The following UGGT2 variants were observed in gnomAD, a reference collection of about 807,000 sequenced individuals.
UGGT2 encodes the protein UDP-glucose glycoprotein glucosyltransferase 2.
Under a neutral mutation model 192.1 loss-of-function variants are expected in UGGT2, and 180 were observed. That is an observed-to-expected ratio of 0.94 (90% CI 0.83 to 1.06). The LOEUF (loss-of-function observed/expected upper bound fraction) is 1.06, where lower values mean the gene tolerates loss of function less well. Ranked by LOEUF, UGGT2 falls within the 50% of genes least tolerant of loss-of-function variation. The pLI, the probability that UGGT2 is intolerant of heterozygous loss-of-function variation, is 0.00. For missense variants in UGGT2, 1,849 were observed against 1,795.7 expected, an observed-to-expected ratio of 1.03 and a Z score of -0.54; for synonymous variants, 580 against 591.0, an observed-to-expected ratio of 0.98 and a Z score of 0.27.
chr13:95,952,349 T>C (rs1303886438), intron 12 of UGGT2, among the ~76,000 whole-genome samples: 2 of 152,096 alleles, frequency 1.3e-5, no homozygotes, highest in African/African-American at 4.8e-5. Context: ...CTAGTATCTG[T>C]AGGGGGATAG....
intron 4 of UGGT2, among the ~76,000 whole-genome samples, chr13:96,017,591 AC>A (rs1307615679): frequency 6.6e-6 from 1 of 152,210 alleles, no homozygotes; most frequent in East Asian, 1.9e-4. Flanking sequence ...ATCGGTACAT[AC>A]CAGTAATTTT....
At chr13:95,875,159 T>C (rs1053290641) in intron 29 of UGGT2, among the ~76,000 whole-genome samples, 4 of 152,234 alleles carry the variant, frequency 2.6e-5, no homozygotes, top group African/African-American at 9.6e-5. Flanking sequence ...ATATGTGGCA[T>C]ATCTCGTGGT....
intron 38 of UGGT2, among the ~76,000 whole-genome samples, chr13:95,831,193 G>A (rs1236537620): frequency 1.3e-5 from 2 of 152,032 alleles, no homozygotes; most frequent in African/African-American, 4.8e-5. Context: ...GAGTTAGTGG[G>A]TGCAGCACAC....
At chr13:95,899,713 T>A (rs935291975) in intron 22 of UGGT2, among the ~76,000 whole-genome samples, 1 of 152,124 alleles carries the variant, frequency 6.6e-6, no homozygotes, top group Non-Finnish European at 1.5e-5. Flanking sequence ...GCTTTAGAAC[T>A]GTTTTTAAAA....
At chr13:95,845,620 TCCC>T (rs1000229593) in intron 36 of UGGT2, among the ~76,000 whole-genome samples, 3 of 151,792 alleles carry the variant, frequency 2.0e-5, no homozygotes, top group Admixed American at 1.3e-4. Flanking sequence ...TCCCCACATT[TCCC>T]CCTTTTCTAT....
chr13:95,928,494 A>C (rs2049120672), intron 17 of UGGT2, among the ~76,000 whole-genome samples: 1 of 150,960 alleles, frequency 6.6e-6, no homozygotes, highest in Admixed American at 6.6e-5. Flanking sequence ...AGCCGGTCAG[A>C]GACGCTCCTC....
At chr13:95,900,966 C>A in intron 21 of UGGT2, 28 bp from the exon 22 acceptor site, 1 of 1,489,812 alleles carries the variant, frequency 6.7e-7, no homozygotes, top group Non-Finnish European at 8.9e-7. Context: ...ACTGATGAAA[C>A]TAATATGAGA....
intron 11 of UGGT2, 104 bp downstream of exon 11, chr13:95,972,476 T>G: frequency 9.4e-7 from 1 of 1,060,412 alleles, no homozygotes; most frequent in Non-Finnish European, 1.4e-6. Context: ...AAAACATGTA[T>G]TTATCTTTAA....
intron 29 of UGGT2, among the ~76,000 whole-genome samples, chr13:95,873,627 C>T (rs575979086): frequency 6.6e-6 from 1 of 152,276 alleles, no homozygotes; most frequent in Non-Finnish European, 1.5e-5. Flanking sequence ...CCTCTTCATT[C>T]TTGCCTGATG....
At chr13:95,931,691 C>T (rs548658786) in intron 17 of UGGT2, among the ~76,000 whole-genome samples, 125 of 152,216 alleles carry the variant, frequency 8.2e-4, no homozygotes, top group African/African-American at 2.6e-3. Flanking sequence ...CCGGGTGCTA[C>T]GCCCCTCACT....
chr13:96,033,564 C>T (rs1241399783), intron 1 of UGGT2, among the ~76,000 whole-genome samples: 6 of 152,196 alleles, frequency 3.9e-5, no homozygotes, highest in Non-Finnish European at 8.8e-5. Context: ...ACCAACGCAT[C>T]CCTGCACTCT....
At chr13:95,938,966 C>T (rs953178810) in intron 16 of UGGT2, among the ~76,000 whole-genome samples, 1 of 128,702 alleles carries the variant, frequency 7.8e-6, no homozygotes, top group African/African-American at 2.7e-5. Context: ...ATGGAGAATG[C>T]TCTTTAGAAA....
chr13:95,920,131 G>C lies in UGGT2; in HGVS notation c.2295+5549C>G, dbSNP rs563103661. 1.4e-4 allele frequency among the ~76,000 whole-genome samples: 22 copies of C among 152,276 alleles called. No individual in the cohort carries two copies. In the East Asian group the frequency reaches 4.2e-3, roughly 29 times the overall value. On this transcript the variant is annotated intron_variant, in intron 20 of 38. Coordinates refer to ENST00000376747, the MANE Select transcript of UGGT2 (RefSeq NM_020121.4). ...GTTCCCTATTTAATAAATAGTGCTG[G>C]AAGTGCTGGCTAGCCATATGCAGAA...
chr13:95,856,733 C>CAGAGATGT (rs751153412), intron 33 of UGGT2: 57 of 357,428 alleles, frequency 1.6e-4, no homozygotes, highest in Non-Finnish European at 1.1e-5. Context: ...GTTGGTTGGT[C>CAGAGATGT]AGAGATGTAA....
chr13:95,841,898 A>C (rs1297965455), intron 36 of UGGT2, among the ~76,000 whole-genome samples: 1 of 152,168 alleles, frequency 6.6e-6, no homozygotes, highest in African/African-American at 2.4e-5. Context: ...TTCATTCTTT[A>C]CAAGTGAATT....
At chr13:95,957,722 G>GTTTTACA (rs2050253635) in intron 12 of UGGT2, among the ~76,000 whole-genome samples, 2 of 152,176 alleles carry the variant, frequency 1.3e-5, no homozygotes, top group African/African-American at 2.4e-5. Flanking sequence ...AAGAGAATAG[G>GTTTTACA]AAGGTTTCTT....
At chr13:96,038,466 G>C (rs142484250) in intron 1 of UGGT2, among the ~76,000 whole-genome samples, 1 of 152,188 alleles carries the variant, frequency 6.6e-6, no homozygotes, top group African/African-American at 2.4e-5. Flanking sequence ...GAGGAAGACT[G>C]TAAAAGAATG....
At chr13:96,029,379 A>G (rs958724295) in intron 2 of UGGT2, among the ~76,000 whole-genome samples, 3 of 151,766 alleles carry the variant, frequency 2.0e-5, no homozygotes, top group African/African-American at 4.8e-5. Flanking sequence ...CTATGCCTCC[A>G]GTGTTCAAGT....
intron 1 of UGGT2, among the ~76,000 whole-genome samples, chr13:96,038,557 T>G (rs529992911): frequency 6.6e-6 from 1 of 152,190 alleles, no homozygotes; most frequent in Non-Finnish European, 1.5e-5. Context: ...ATGTTTGTAC[T>G]GGGCTTCTGC....
Sources: gnomAD v4.1 joint callset for allele counts (sites outside exome capture counted in the v4.1 genomes callset) on GRCh38, gnomAD v4.1.1 for gene constraint, MANE v1.5 for transcripts, NCBI Gene and HGNC (gene_info 2026-07-23, HGNC 2026-07-21) for gene names.